Variants in LONP1 observed in about 807,000 individuals in gnomAD.
The protein encoded by LONP1 is lon protease homolog, mitochondrial.
Under a neutral mutation model 98.5 loss-of-function variants are expected in LONP1, and 31 were observed. The observed-to-expected ratio is 0.31, with a 90% CI of 0.24 to 0.42. LONP1 has a LOEUF of 0.42. LONP1 is among the 20% of genes least tolerant of loss of function. LONP1 has a pLI of 1.00. For missense variants in LONP1, 1,336 were observed against 1,350.6 expected (o/e 0.99, Z 0.17); for synonymous variants, 781 against 594.7 (o/e 1.31, Z -4.56).
rs377239290 is a variant in LONP1, at chr19:5,696,385, C to A, written c.1774-14G>T. The A allele has an allele frequency of 1.2e-6, 2 of 1,611,442 alleles. No homozygotes were observed. Among genetic ancestry groups the A allele is most frequent in the Admixed American group, 3.3e-5 (2 of 59,962 alleles). On this transcript the variant is annotated splice_polypyrimidine_tract_variant and intron_variant, in intron 11 of 17. Coordinates refer to ENST00000360614, the MANE Select transcript of LONP1 (RefSeq NM_004793.4). ...GATCTTGTCCACCTGGGGCAGCAGA[C>A]AGCAGGTGGTGCCCCTCGCCGTGCC... is the stretch of plus-strand genomic sequence containing the variant.
chr19:5,708,468 G>GGGGC, intron 4 of LONP1, 65 bp from the exon 5 acceptor site: 17 of 551,258 alleles, frequency 3.1e-5, no homozygotes, highest in East Asian at 1.9e-4. Flanking sequence ...GGCTGGGTGG[G>GGGGC]AGCATGGCCC....
intron 5 of LONP1, chr19:5,708,054 C>T (rs2055176423): frequency 9.7e-6 from 6 of 615,638 alleles, no homozygotes; most frequent in Admixed American, 3.0e-5. Flanking sequence ...CCACGGGAGC[C>T]GTGCAGTGAC....
chr19:5,704,162 C>T (rs993256083), intron 8 of LONP1, among the ~76,000 whole-genome samples: 5 of 152,154 alleles, frequency 3.3e-5, no homozygotes. Flanking sequence ...AGAGGCTGCG[C>T]TGTGGCTGTG....
chr19:5,706,089 TCA>T (rs2055141151), intron 7 of LONP1, 97 bp from the exon 8 acceptor site: 2 of 784,000 alleles, frequency 2.6e-6, no homozygotes, highest in African/African-American at 3.4e-5. Context: ...CCCCCAGGAC[TCA>T]GAGAGAAAAG....
chr19:5,706,978 C>T (rs924189727), intron 7 of LONP1, 82 bp downstream of exon 7: 34 of 1,208,992 alleles, frequency 2.8e-5, no homozygotes, highest in African/African-American at 1.6e-4. Context: ...CCGGTCCCTC[C>T]GTGTGCTCCA....
chr19:5,698,969 G>A (rs1007624888), intron 10 of LONP1, 58 bp downstream of exon 10: 22 of 1,506,688 alleles, frequency 1.5e-5, no homozygotes, highest in South Asian at 5.0e-5. Context: ...CGGAGAAGAC[G>A]AAGCCCGGCA....
chr19:5,708,530 C>T (rs2055185151), intron 4 of LONP1, 127 bp from the exon 5 acceptor site: 2 of 725,250 alleles, frequency 2.8e-6, no homozygotes, highest in East Asian at 2.7e-5. Flanking sequence ...GCCAACTGGC[C>T]CTGGCCACGG....
At chr19:5,693,149 A>AAGGCCAGCTCC in intron 17 of LONP1, 149 bp downstream of exon 17, 1 of 949,558 alleles carries the variant, frequency 1.1e-6, no homozygotes, top group South Asian at 1.7e-5. Flanking sequence ...CGGTGAGCTT[A>AAGGCCAGCTCC]AGGCCAGCTC....
chr19:5,693,315 T>G lies in LONP1; in HGVS notation c.2686A>C (p.Lys896Gln). ...ACACTCACCGCAATGGTCTTCTCCT[T>G]GATGCCACCAACAGGCAGGATCTTG... Reference protein sequence around the residue: ...TGKILPVGGIKEKTIAAKRAG... With the variant: ...TGKILPVGGIQEKTIAAKRAG... The change falls in exon 17 of 18, where the codon AAG becomes CAG. Residue 896 changes from lysine (K) to glutamine (Q), a missense_variant. This residue lies in a region of LONP1 where 555 missense variants were observed against 542.6 expected (regional missense o/e 1.02). Transcript: ENST00000360614. The G allele has an allele frequency of 6.2e-7, 1 of 1,612,510 alleles. No homozygotes were observed. The highest frequency in any genetic ancestry group is 8.5e-7 in the Non-Finnish European group (1 of 1,179,156).
chr19:5,700,629 G>A (rs996733629), intron 9 of LONP1, among the ~76,000 whole-genome samples, 160 bp downstream of exon 9: 32 of 152,200 alleles, frequency 2.1e-4, no homozygotes, highest in African/African-American at 6.8e-4. Context: ...GCCCTCGGGG[G>A]CAGGGCAGGA....
chr19:5,720,221 G>T, upstream of LONP1: 1 of 1,381,786 alleles, frequency 7.2e-7, no homozygotes, highest in Non-Finnish European at 9.3e-7. Context: ...CTCGGTACCC[G>T]ATGGGCGCGT....
Position 5,693,478 on chromosome 19 carries a change from G to C in LONP1, c.2539-16C>G, listed in dbSNP as rs370849062. On this transcript the variant is annotated splice_polypyrimidine_tract_variant and intron_variant, in intron 16 of 17. Coordinates refer to ENST00000360614, the MANE Select transcript of LONP1 (RefSeq NM_004793.4). Reference sequence around the variant, plus strand: ...GGGTGGCGCCCTGTGGAGGCATGTGGGGATAGTGGGTGAGCAGGTGGCCAG... The same window carrying C: ...GGGTGGCGCCCTGTGGAGGCATGTGCGGATAGTGGGTGAGCAGGTGGCCAG... 1 of 1,611,314 alleles carries C rather than the reference G, an allele frequency of 6.2e-7. No individual in the cohort carries two copies. The highest frequency in any genetic ancestry group is 1.3e-5 in the African/African-American group (1 of 74,890).
intron 3 of LONP1, 36 bp downstream of exon 3, chr19:5,713,096 CTG>C: frequency 6.2e-7 from 1 of 1,613,368 alleles, no homozygotes; most frequent in Non-Finnish European, 8.5e-7. Flanking sequence ...GCGTGGTACT[CTG>C]CCCCCACCTC....
rs1170289971 is a variant in LONP1, at chr19:5,692,824, C to A, written c.2703+474G>T. On this transcript the variant is annotated intron_variant, in intron 17 of 17. Transcript: ENST00000360614. ...CATGCCTCCCTCGTGGTGGCATCTC[C>A]TGACTGACTGCACCAGGCTTCCTAG... 7.2e-5 allele frequency among the ~76,000 whole-genome samples: 11 copies of A among 151,802 alleles called. No individual in the cohort carries two copies. The East Asian group carries it at 1.5e-3, about 21-fold the overall frequency.
At chr19:5,698,975 C>G (rs888831736) in intron 10 of LONP1, 52 bp downstream of exon 10, 8 of 1,524,678 alleles carry the variant, frequency 5.2e-6, no homozygotes, top group Non-Finnish European at 7.1e-6. Context: ...AGACGAAGCC[C>G]GGCAGCACAG....
chr19:5,715,643 TAAAAAAAAAAAAAAAA>T (rs527565499), intron 1 of LONP1, among the ~76,000 whole-genome samples: 330 of 31,102 alleles, frequency 0.011, 4 homozygotes, highest in African/African-American at 0.033. Flanking sequence ...CTCTGTCTCA[TAAAAAAAAAAAAAAAA>T]AAAAAAAAAA....
intron 10 of LONP1, 47 bp from the exon 11 acceptor site, chr19:5,696,804 G>T (rs776493049): frequency 1.5e-6 from 2 of 1,358,086 alleles, no homozygotes; most frequent in African/African-American, 1.4e-5. Context: ...GCCTGGCTCG[G>T]CCACAACGAC....
chr19:5,709,804 G>T (rs1470446217), intron 4 of LONP1, among the ~76,000 whole-genome samples: 2 of 149,452 alleles, frequency 1.3e-5, no homozygotes, highest in African/African-American at 5.0e-5. Context: ...CCCAGCTACT[G>T]GGGAGGCTGA....
intron 4 of LONP1, 65 bp from the exon 5 acceptor site, chr19:5,708,468 G>GT: frequency 1.8e-6 from 1 of 551,264 alleles, no homozygotes; most frequent in Non-Finnish European, 3.4e-6. Flanking sequence ...GGCTGGGTGG[G>GT]AGCATGGCCC....
Sources: allele counts gnomAD v4.1 joint callset (sites outside exome capture counted in the v4.1 genomes callset), GRCh38; gene constraint gnomAD v4.1.1; regional missense constraint gnomAD v4.1.1; transcripts MANE v1.5; gene names NCBI Gene and HGNC (gene_info 2026-07-23, HGNC 2026-07-21).